The following IL1RAPL2 variants were observed in gnomAD, a reference collection of about 807,000 sequenced individuals.
IL1RAPL2 encodes interleukin 1 receptor accessory protein like 2.
In IL1RAPL2, 3 loss-of-function variants were observed where a neutral mutation model predicts 44.1. The observed-to-expected ratio is 0.07, with a 90% CI of 0.03 to 0.18. The LOEUF (loss-of-function observed/expected upper bound fraction) is 0.18. Ranked by LOEUF, IL1RAPL2 falls within the 10% of genes least tolerant of loss-of-function variation. The probability of loss-of-function intolerance (pLI) is 1.00; values close to 1 mark genes in which losing one functional copy is unlikely to be tolerated. For missense variants in IL1RAPL2, 391 were observed against 496.4 expected (o/e 0.79, Z 2.02); for synonymous variants, 181 against 178.8 (o/e 1.01, Z -0.10).
intron 2 of IL1RAPL2, among the ~76,000 whole-genome samples, chrX:104,857,043 G>C (rs1335446056): frequency 1.8e-5 from 2 of 112,052 alleles, no homozygotes; most frequent in Non-Finnish European, 3.8e-5. Flanking sequence ...AGCAATTGAA[G>C]ACATTCCCAC....
chrX:105,034,677 A>G (rs1211236805), intron 2 of IL1RAPL2, among the ~76,000 whole-genome samples: 4 of 111,728 alleles, frequency 3.6e-5, no homozygotes, highest in Non-Finnish European at 7.5e-5. Context: ...CAGTTAGGCT[A>G]CTCTGGGGTC....
At chrX:105,084,083 G>A (rs982476824) in intron 2 of IL1RAPL2, among the ~76,000 whole-genome samples, 2 of 112,663 alleles carry the variant, frequency 1.8e-5, no homozygotes, top group Non-Finnish European at 3.7e-5. Flanking sequence ...TTCAGAGGAT[G>A]TATGGAAACA....
chrX:104,918,175 A>G (rs776537619), intron 2 of IL1RAPL2, among the ~76,000 whole-genome samples: 3 of 112,117 alleles, frequency 2.7e-5, no homozygotes, highest in East Asian at 2.8e-4. Flanking sequence ...AACTCTGTCA[A>G]TATTTTACCT....
At chrX:104,790,598 A>G (rs1932820583) in intron 2 of IL1RAPL2, among the ~76,000 whole-genome samples, 1 of 111,425 alleles carries the variant, frequency 9.0e-6, no homozygotes, top group Admixed American at 9.5e-5. Flanking sequence ...TTCACAAAGA[A>G]AACTGCTTTT....
intron 6 of IL1RAPL2, among the ~76,000 whole-genome samples, chrX:105,648,337 G>C (rs1602502063): frequency 1.8e-5 from 2 of 111,638 alleles, no homozygotes; most frequent in South Asian, 7.6e-4. Flanking sequence ...CTGGGCTCCT[G>C]GAAATTCTGC....
chrX:105,490,902 C>T (rs889561012), intron 6 of IL1RAPL2, among the ~76,000 whole-genome samples: 1 of 111,824 alleles, frequency 8.9e-6, no homozygotes, highest in Non-Finnish European at 1.9e-5. Flanking sequence ...GTGGCAGGAC[C>T]TCATGTTCTA....
At chrX:104,990,725 G>A (rs959756228) in intron 2 of IL1RAPL2, among the ~76,000 whole-genome samples, 28 of 111,684 alleles carry the variant, frequency 2.5e-4, no homozygotes, top group African/African-American at 8.4e-4. Context: ...TATTCAATAA[G>A]GCAAAAGCAT....
At chrX:105,402,130 A>G (rs2035610516) in intron 5 of IL1RAPL2, among the ~76,000 whole-genome samples, 1 of 111,714 alleles carries the variant, frequency 9.0e-6, no homozygotes, top group African/African-American at 3.2e-5. Context: ...TGAAAATAAA[A>G]TTTAAAAATA....
intron 6 of IL1RAPL2, among the ~76,000 whole-genome samples, chrX:105,484,914 G>A (rs1008197516): frequency 3.6e-5 from 4 of 111,632 alleles, no homozygotes; most frequent in African/African-American, 1.3e-4. Flanking sequence ...ACTTATGAGT[G>A]CTATTGTCTT....
chrX:105,764,446 G>A (rs189813724), intron 10 of IL1RAPL2, among the ~76,000 whole-genome samples: 17 of 111,839 alleles, frequency 1.5e-4, no homozygotes, highest in Admixed American at 1.1e-3. Flanking sequence ...CTACATGTGC[G>A]TACAGTTTCT....
chrX:105,428,886 T>G (rs1239446856), intron 5 of IL1RAPL2, among the ~76,000 whole-genome samples: 2 of 111,363 alleles, frequency 1.8e-5, no homozygotes, highest in African/African-American at 6.5e-5. Flanking sequence ...TGGTAGGCTA[T>G]GCTTGTATTT....
chrX:105,753,114 A>C (rs967158091), intron 9 of IL1RAPL2: 6 of 299,875 alleles, frequency 2.0e-5, no homozygotes, highest in Non-Finnish European at 3.9e-5. Flanking sequence ...GAACTGCAAT[A>C]TCAGAATATA....
intron 6 of IL1RAPL2, among the ~76,000 whole-genome samples, chrX:105,660,074 G>A (rs1474099907): frequency 1.8e-5 from 2 of 111,086 alleles, no homozygotes; most frequent in Admixed American, 9.6e-5. Context: ...GACACCTCAA[G>A]GCATTTATTA....
chrX:105,713,425 G>C (rs1472793796), intron 6 of IL1RAPL2, among the ~76,000 whole-genome samples: 2 of 111,436 alleles, frequency 1.8e-5, no homozygotes, highest in African/African-American at 6.5e-5. Flanking sequence ...CCATGTGAAA[G>C]CTGCCAAGGC....
intron 1 of IL1RAPL2, among the ~76,000 whole-genome samples, chrX:104,655,815 G>A (rs915224559): frequency 9.0e-5 from 10 of 111,198 alleles, no homozygotes; most frequent in African/African-American, 2.9e-4. Flanking sequence ...ACTTTTTTTG[G>A]TTGGTAGGCT....
At chrX:105,685,791 G>A (rs2037967009) in intron 6 of IL1RAPL2, among the ~76,000 whole-genome samples, 2 of 111,690 alleles carry the variant, frequency 1.8e-5, no homozygotes, top group Admixed American at 9.5e-5. Flanking sequence ...AGTGTTAAGG[G>A]CAGCCAGAGA....
chrX:104,892,681 C>A (rs192816115), intron 2 of IL1RAPL2, among the ~76,000 whole-genome samples: 14 of 111,490 alleles, frequency 1.3e-4, no homozygotes, highest in Middle Eastern at 4.6e-3. Context: ...ATTCTTCTCC[C>A]TTTTCTTCTT....
At chrX:105,313,990 G>A (rs1397668743) in intron 5 of IL1RAPL2, among the ~76,000 whole-genome samples, 2 of 111,968 alleles carry the variant, frequency 1.8e-5, no homozygotes, top group African/African-American at 6.5e-5. Flanking sequence ...TTCATTTGCA[G>A]ATGTAGATTT....
intron 1 of IL1RAPL2, among the ~76,000 whole-genome samples, chrX:104,581,489 A>G (rs1479375343): frequency 8.9e-6 from 1 of 111,867 alleles, no homozygotes; most frequent in Non-Finnish European, 1.9e-5. Flanking sequence ...CTATTAGTTA[A>G]TAGGTTCTGA....
Sources: allele counts gnomAD v4.1 joint callset (sites outside exome capture counted in the v4.1 genomes callset), GRCh38; gene constraint gnomAD v4.1.1; transcripts MANE v1.5; gene names NCBI Gene and HGNC (gene_info 2026-07-23, HGNC 2026-07-21).